Variants in NSD2 observed in about 807,000 individuals in gnomAD.
NSD2 encodes the protein nuclear receptor binding SET domain protein 2, also known as histone-lysine N-methyltransferase NSD2.
Under a neutral mutation model 139.0 loss-of-function variants are expected in NSD2, and 12 were observed. That is an observed-to-expected ratio of 0.09 (90% CI 0.06 to 0.14). The LOEUF is 0.14. Ranked by LOEUF, NSD2 falls within the 10% of genes least tolerant of loss-of-function variation. NSD2 has a pLI of 1.00. For synonymous variants in NSD2, 669 were observed against 648.7 expected (o/e 1.03, Z -0.48); for missense variants, 1,155 against 1,745.0 (o/e 0.66, Z 6.02).
intron 9 of NSD2, chr4:1,943,480 A>G (rs1260981168): frequency 9.6e-7 from 1 of 1,046,288 alleles, no homozygotes; most frequent in Non-Finnish European, 1.2e-6. Context: ...TTGCTTTGGC[A>G]TGAAAAGTGG....
At chr4:1,934,721 G>A (rs1438732604) in intron 6 of NSD2, among the ~76,000 whole-genome samples, 2 of 147,334 alleles carry the variant, frequency 1.4e-5, no homozygotes, top group Non-Finnish European at 3.0e-5. Context: ...GGTGGCACGT[G>A]CCTGTAATCC....
Position 1,955,026 on chromosome 4 carries a change from T to G in NSD2, c.2339-135T>G. 9.4e-7 allele frequency: 1 copy of G among 1,059,392 alleles called. No individual in the cohort carries two copies. Among genetic ancestry groups the G allele is most frequent in the Admixed American group, 2.9e-5 (1 of 34,710 alleles). The allele number at this position is 1,059,392 out of a possible 1,614,324, so 65.6% of individuals were successfully genotyped here. A position where few individuals can be genotyped will look rare whatever the true frequency, so the allele number is the denominator to read the frequency against. On this transcript the variant is annotated intron_variant, in intron 12 of 21. Transcript: ENST00000508803. This position sits in a 1 kb window ranked among gnomAD's most constrained non-coding sequence, Gnocchi z 4.7. ...AAGCACCTTTGCTCTGAAAGCTTTT[T>G]TTAAATCAAATACCTCCATTTCATT...
chr4:1,953,782 G>A (rs1198190874), intron 12 of NSD2, among the ~76,000 whole-genome samples: 3 of 150,772 alleles, frequency 2.0e-5, no homozygotes, highest in African/African-American at 7.3e-5. Context: ...GATAGATTTT[G>A]TTTACCCTGG....
chr4:1,882,757 T>TGAG (rs1714800580), intron 1 of NSD2, among the ~76,000 whole-genome samples: 1 of 152,180 alleles, frequency 6.6e-6, no homozygotes, highest in African/African-American at 2.4e-5. Context: ...CTCCAGTGGT[T>TGAG]CTCAAAGTCT....
intron 18 of NSD2, among the ~76,000 whole-genome samples, chr4:1,970,716 G>C (rs1726370090): frequency 6.6e-6 from 1 of 152,236 alleles, no homozygotes; most frequent in East Asian, 1.9e-4. Context: ...CTGGGCTCTA[G>C]GGGCGGTTGA....
At chr4:1,927,823 C>T (rs1437686116) in intron 5 of NSD2, among the ~76,000 whole-genome samples, 2 of 148,050 alleles carry the variant, frequency 1.4e-5, no homozygotes, top group African/African-American at 5.0e-5. Context: ...TCTCCAATTA[C>T]GTTGGCAATG....
chr4:1,921,300 T>C lies in NSD2; in HGVS notation c.1410+2677T>C, dbSNP rs539998133. ...TGGTGAAACCCCGTCTCTACCAAAA[T>C]TATAAAAAATAAGCTGGGCATGGTG... On this transcript the variant is annotated intron_variant, in intron 5 of 21. Transcript: ENST00000508803. 4.2e-4 allele frequency among the ~76,000 whole-genome samples: 59 copies of C among 139,360 alleles called. 1 individual carries two copies. Among genetic ancestry groups the C allele is most frequent in the African/African-American group, 1.5e-3 (57 of 37,338 alleles). 91.4% of individuals were successfully genotyped at this position (139,360 alleles called of 152,430 possible).
Position 1,973,320 on chromosome 4 carries a change from C to T in NSD2, c.3373-1543C>T, listed in dbSNP as rs1018845253. Among the ~76,000 whole-genome samples the T allele has an allele frequency of 7.2e-5, 11 of 152,324 alleles. No homozygotes were observed. Among genetic ancestry groups the T allele is most frequent in the East Asian group, 1.9e-4 (1 of 5,176 alleles). ...TAATGGTAGGAATGTAGGTTAGACA[C>T]GGTGCTGCCAGGCGTCAGAGGCTGG... On this transcript the variant is annotated intron_variant, in intron 18 of 21. Coordinates refer to ENST00000508803, the MANE Select transcript of NSD2 (RefSeq NM_001042424.3). The surrounding 1 kb of genome is among the most constrained non-coding windows in gnomAD (Gnocchi z 5.5).
intron 3 of NSD2, among the ~76,000 whole-genome samples, chr4:1,911,899 T>C (rs1343347724): frequency 6.6e-6 from 1 of 152,206 alleles, no homozygotes; most frequent in Non-Finnish European, 1.5e-5. Context: ...ACCTGACATG[T>C]AAGGAGCATT....
At chr4:1,877,273 G>A (rs748720584) in intron 1 of NSD2, among the ~76,000 whole-genome samples, 11 of 152,106 alleles carry the variant, frequency 7.2e-5, no homozygotes, top group Non-Finnish European at 1.3e-4. Flanking sequence ...TCCGACTCCG[G>A]TTTTACTGTC....
intron 17 of NSD2, among the ~76,000 whole-genome samples, 194 bp from the exon 18 acceptor site, chr4:1,960,841 T>C (rs970818662): frequency 6.6e-6 from 1 of 152,092 alleles, no homozygotes; most frequent in African/African-American, 2.4e-5. Context: ...ACATTTTTCA[T>C]TGGCAACCTT....
At chr4:1,884,871 G>A (rs1053028576) in intron 1 of NSD2, among the ~76,000 whole-genome samples, 1 of 151,974 alleles carries the variant, frequency 6.6e-6, no homozygotes, top group Non-Finnish European at 1.5e-5. Context: ...CACTTTGGGA[G>A]GCCGAGGCAG....
chr4:1,912,897 C>G (rs1448974862), intron 3 of NSD2, among the ~76,000 whole-genome samples: 1 of 152,040 alleles, frequency 6.6e-6, no homozygotes. Context: ...TTCTGTAGTT[C>G]TATGTGGGCA....
rs779674908 is a variant in NSD2 at position 1,976,650 on chromosome 4, C to G, written c.3797C>G (p.Ser1266Cys). 6 of 1,597,560 alleles carry G rather than the reference C, an allele frequency of 3.8e-6. No homozygotes were observed. Among genetic ancestry groups the G allele is most frequent in the Non-Finnish European group, 4.3e-6 (5 of 1,172,330 alleles). Residue 1266 changes from serine (S) to cysteine (C), a missense_variant, in exon 21 of 22, where the codon TCC becomes TGC. Physicochemically the swap from Ser to Cys is moderately radical, Grantham distance 112 (BLOSUM62 -1). This residue lies in a region of NSD2 where 25 missense variants were observed against 75.1 expected (regional missense o/e 0.33). Coordinates refer to ENST00000508803, the MANE Select transcript of NSD2 (RefSeq NM_001042424.3). This position sits in a 1 kb window ranked among gnomAD's most constrained non-coding sequence, Gnocchi z 5.3. ...TTCTGCACCAAGGCCTACCACCTGT[C>G]CTGCCTGGGCCTTGGCAAGCGGCCC... ...RKFCTKAYHL[S>C]CLGLGKRPFG... is the part of the protein sequence containing the mutation.
At chr4:1,926,961 T>C (rs1026976260) in intron 5 of NSD2, among the ~76,000 whole-genome samples, 1 of 152,240 alleles carries the variant, frequency 6.6e-6, no homozygotes, top group African/African-American at 2.4e-5. Flanking sequence ...TCACAGTTTC[T>C]GTGGGCCAGG....
intron 9 of NSD2, chr4:1,945,381 T>C (rs1285626779): frequency 1.9e-6 from 2 of 1,063,224 alleles, no homozygotes; most frequent in African/African-American, 3.4e-5. Context: ...CTGGCCTTGC[T>C]TGCCCATGGT....
At chr4:1,898,690 C>CT (rs79385915) in intron 1 of NSD2, among the ~76,000 whole-genome samples, 4,256 of 134,792 alleles carry the variant, frequency 0.032, 156 homozygotes, top group African/African-American at 0.068. Flanking sequence ...AAAAAACACA[C>CT]TTTTTTTTTT....
chr4:1,942,382 C>CTG lies in NSD2; in HGVS notation c.1881+2605_1881+2606dup. On this transcript the variant is annotated intron_variant, in intron 9 of 21. Coordinates refer to ENST00000508803, the MANE Select transcript of NSD2 (RefSeq NM_001042424.3). This position sits in a 1 kb window ranked among gnomAD's most constrained non-coding sequence, Gnocchi z 4.0. ...CCAGTCAAGTTGGATTTGAACCCAG[C>CTG]TGCTCTGTACTGCACTTAGAATGAT... The CTG allele has an allele frequency of 6.2e-7, 1 of 1,613,828 alleles. No homozygotes were observed.
chr4:1,949,972 C>T (rs1298069376), intron 9 of NSD2, among the ~76,000 whole-genome samples: 5 of 152,018 alleles, frequency 3.3e-5, no homozygotes, highest in Admixed American at 2.6e-4. Context: ...TTTCTGACTT[C>T]GTGTTCATTG....
Sources: gnomAD v4.1 joint callset for allele counts (sites outside exome capture counted in the v4.1 genomes callset) on GRCh38, gnomAD v4.1.1 for gene constraint, gnomAD v4.1.1 regional missense constraint, Gnocchi (gnomAD v3.1) non-coding constraint, MANE v1.5 for transcripts, NCBI Gene and HGNC (gene_info 2026-07-23, HGNC 2026-07-21) for gene names.